MANSC1: variants seen among roughly 807,000 people sequenced by gnomAD.
MANSC1 encodes MANSC domain-containing protein 1.
Under a neutral mutation model 14.1 loss-of-function variants are expected in MANSC1, and 13 were observed. The observed-to-expected ratio is 0.92, with a 90% CI of 0.60 to 1.46. The LOEUF (loss-of-function observed/expected upper bound fraction) is 1.46, where lower values mean the gene tolerates loss of function less well. MANSC1 is among the 40% of genes most tolerant of loss of function. MANSC1 has a pLI of 0.00. For synonymous variants in MANSC1, 227 were observed against 200.7 expected (o/e 1.13, Z -1.11); for missense variants, 486 against 511.4 (o/e 0.95, Z 0.48).
In MANSC1 at chr12:12,327,751, G is replaced by C. The variant is rs1862725583; in HGVS notation, c.*2276C>G. 6.6e-6 allele frequency: 1 copy of C among 152,124 alleles called. No individual in the cohort carries two copies. The highest frequency in any genetic ancestry group is 1.5e-5 in the Non-Finnish European group (1 of 68,022). The allele number at this position is 152,124 out of a possible 1,614,324, so 9.4% of individuals were successfully genotyped here. A position where few individuals can be genotyped will look rare whatever the true frequency, so the allele number is the denominator to read the frequency against. ...TACTTAAAGCTTATGTAAACCCCTTGGAGATTTGTGTCAAGCTGTTAAGTT... is the reference window on the plus strand; with the variant it reads ...TACTTAAAGCTTATGTAAACCCCTTCGAGATTTGTGTCAAGCTGTTAAGTT... On this transcript the variant is annotated 3_prime_UTR_variant, in exon 4 of 4. Transcript: ENST00000535902.
In MANSC1 at chr12:12,330,402, A is replaced by T. The variant is rs758903132; in HGVS notation, c.921T>A (p.Phe307Leu). 1.2e-6 allele frequency: 2 copies of T among 1,614,194 alleles called. No homozygotes were observed. The highest frequency in any genetic ancestry group is 1.7e-6 in the Non-Finnish European group (2 of 1,180,040). ...TGCCTTTCGAGTCCGTAGGTGCCTGAAAGGTGGTAGTCAGAACTGCTGTTG... is the reference window on the plus strand; with the variant it reads ...TGCCTTTCGAGTCCGTAGGTGCCTGTAAGGTGGTAGTCAGAACTGCTGTTG... ...MATTAVLTTT[F>L]QAPTDSKGSL... The change falls in exon 4 of 4, where the codon TTT becomes TTA. Residue 307 changes from phenylalanine to leucine, a missense_variant. Phe to Leu is a conservative substitution (Grantham distance 22). Coordinates refer to ENST00000535902, the MANE Select transcript of MANSC1 (RefSeq NM_018050.4).
intron 2 of MANSC1, 38 bp from the exon 3 acceptor site, chr12:12,338,598 C>A (rs549270578): frequency 8.1e-6 from 13 of 1,602,818 alleles, no homozygotes; most frequent in Non-Finnish European, 1.1e-5. Flanking sequence ...TTTTGAAATG[C>A]GATTTTCTAA....
In MANSC1 at chr12:12,343,261, G is replaced by C; in HGVS notation, c.54C>G (p.Phe18Leu). ...SLTYTLVIIC[F>L]LTLRLSASQN... Reference sequence around the variant, plus strand: ...GACTAGCAGACAGCCTTAGTGTCAGGAAGCAAATTATTACCAAAGTGTAAG... The same window carrying C: ...GACTAGCAGACAGCCTTAGTGTCAGCAAGCAAATTATTACCAAAGTGTAAG... Residue 18 changes from phenylalanine to leucine, a missense_variant, in exon 2 of 4, where the codon TTC becomes TTG. Coordinates refer to ENST00000535902, the MANE Select transcript of MANSC1 (RefSeq NM_018050.4). 1.2e-6 allele frequency: 2 copies of C among 1,614,092 alleles called. No individual in the cohort carries two copies. The highest frequency in any genetic ancestry group is 1.6e-4 in the Middle Eastern group (1 of 6,062).
chr12:12,329,978 A>C lies in MANSC1; in HGVS notation c.*49T>G, dbSNP rs766408135. The C allele has an allele frequency of 1.1e-5, 16 of 1,500,200 alleles. No homozygotes were observed. In the East Asian group the frequency reaches 3.2e-4, roughly 30 times the overall value. 92.9% of individuals were successfully genotyped at this position (1,500,200 alleles called of 1,614,324 possible). A position where few individuals can be genotyped will look rare whatever the true frequency, so the allele number is the denominator to read the frequency against. On this transcript the variant is annotated 3_prime_UTR_variant, in exon 4 of 4. Coordinates refer to ENST00000535902, the MANE Select transcript of MANSC1 (RefSeq NM_018050.4). ...TAGCAAGTCAGCAGAAACTCATTGC[A>C]TTTGGGCTTCTGGTTACTAAATGAA...
intron 2 of MANSC1, among the ~76,000 whole-genome samples, chr12:12,340,487 C>T (rs1040847122): frequency 6.6e-6 from 1 of 152,152 alleles, no homozygotes; most frequent in African/African-American, 2.4e-5. Flanking sequence ...CTTTTTAGCA[C>T]TTAGGTAAAG....
intron 2 of MANSC1, among the ~76,000 whole-genome samples, chr12:12,342,430 C>T (rs548006201): frequency 3.3e-5 from 5 of 152,154 alleles, no homozygotes; most frequent in Non-Finnish European, 5.9e-5. Flanking sequence ...CTTCTCTTTT[C>T]AGTACAAATA....
intron 1 of MANSC1, among the ~76,000 whole-genome samples, chr12:12,349,294 A>C (rs1391257503): frequency 6.6e-6 from 1 of 152,240 alleles, no homozygotes; most frequent in African/African-American, 2.4e-5. Context: ...GGGAATCAAG[A>C]GAAAACCAGG....
intron 3 of MANSC1, among the ~76,000 whole-genome samples, chr12:12,336,937 A>G (rs1353950959): frequency 2.0e-5 from 3 of 152,210 alleles, no homozygotes; most frequent in Non-Finnish European, 4.4e-5. Flanking sequence ...AGAATATTAA[A>G]AATCAAGAGT....
Position 12,330,400 on chromosome 12 carries a change from T to C in MANSC1, c.923A>G (p.Gln308Arg). Residue 308 changes from glutamine (Q) to arginine (R), a missense_variant, in exon 4 of 4, where the codon CAG becomes CGG. Transcript: ENST00000535902. ...ATTAVLTTTF[Q>R]APTDSKGSLE... is the part of the protein sequence containing the mutation. ...GCTGCCTTTCGAGTCCGTAGGTGCC[T>C]GAAAGGTGGTAGTCAGAACTGCTGT... 1 of 1,614,202 alleles carries C rather than the reference T, an allele frequency of 6.2e-7. No homozygotes were observed. The highest frequency in any genetic ancestry group is 8.5e-7 in the Non-Finnish European group (1 of 1,180,028).
At chr12:12,340,548 T>C (rs1862920070) in intron 2 of MANSC1, among the ~76,000 whole-genome samples, 1 of 152,220 alleles carries the variant, frequency 6.6e-6, no homozygotes, top group African/African-American at 2.4e-5. Flanking sequence ...GCCCATCGTG[T>C]TATGTGCATT....
rs1463232971 is a variant in MANSC1, at chr12:12,327,892, G to T, written c.*2135C>A. 1 of 152,442 alleles carries T rather than the reference G, an allele frequency of 6.6e-6. No individual in the cohort carries two copies. Among genetic ancestry groups the T allele is most frequent in the East Asian group, 1.9e-4 (1 of 5,188 alleles). 9.4% of individuals were successfully genotyped at this position (152,442 alleles called of 1,614,324 possible). A position where few individuals can be genotyped will look rare whatever the true frequency, so the allele number is the denominator to read the frequency against. On this transcript the variant is annotated 3_prime_UTR_variant, in exon 4 of 4. Transcript: ENST00000535902. ...GGGTACCAGAAGAGCAGAGGGGAAG[G>T]AGGTGAGGAGGAAGGAAGAGGTGAG... is the stretch of plus-strand genomic sequence containing the variant.
rs756649008 is a variant in MANSC1 at position 12,330,033 on chromosome 12, G to T, written c.1290C>A (p.Asp430Glu). ...GAGACACCGAGTTCCATCCTTAGATGTCCACATAGATCCCATTGATCAAAT... is the reference window on the plus strand; with the variant it reads ...GAGACACCGAGTTCCATCCTTAGATTTCCACATAGATCCCATTGATCAAAT... ...LDYLINGIYV[D>E]I is the part of the protein sequence containing the mutation. The change falls in exon 4 of 4, where the codon GAC (aspartate) becomes GAA (glutamate). Residue 430 changes from aspartate (D) to glutamate (E), a missense_variant. Transcript: ENST00000535902. 1.2e-6 allele frequency: 2 copies of T among 1,612,866 alleles called. No individual in the cohort carries two copies. Among genetic ancestry groups the T allele is most frequent in the Non-Finnish European group, 1.7e-6 (2 of 1,179,194 alleles).
chr12:12,330,294 CAT>C lies in MANSC1; in HGVS notation c.1027_1028del (p.Met343ValfsTer10), dbSNP rs1862765719. The C allele has an allele frequency of 6.2e-7, 1 of 1,614,106 alleles. No homozygotes were observed. The highest frequency in any genetic ancestry group is 1.3e-5 in the African/African-American group (1 of 74,938). ...TCATAGTGGAAGACTCCACATTTGACATAGAAAGTGCAGTAGGGTTATACACA... is the reference window on the plus strand; with the variant it reads ...TCATAGTGGAAGACTCCACATTTGACAGAAAGTGCAGTAGGGTTATACACA... The part of the protein sequence containing the change: ...GNVYNPTALS[M>X]SNVESSTMNK... On this transcript the variant is annotated frameshift_variant, in exon 4 of 4. Coordinates refer to ENST00000535902, the MANE Select transcript of MANSC1 (RefSeq NM_018050.4). LOFTEE classifies it low-confidence loss of function (END_TRUNC).
chr12:12,348,400 A>G (rs1391525981), intron 1 of MANSC1, among the ~76,000 whole-genome samples: 3 of 152,364 alleles, frequency 2.0e-5, no homozygotes, highest in East Asian at 3.9e-4. Flanking sequence ...TCAAGCCACA[A>G]AAAGACATGG....
intron 1 of MANSC1, among the ~76,000 whole-genome samples, chr12:12,343,668 G>C (rs1003617636): frequency 2.0e-5 from 3 of 152,204 alleles, no homozygotes; most frequent in African/African-American, 2.4e-5. Flanking sequence ...GAAGGAACAG[G>C]TATAAACAGT....
chr12:12,326,364 GGTTTCC>G lies in MANSC1; in HGVS notation c.*3657_*3662del, dbSNP rs1862701913. On this transcript the variant is annotated 3_prime_UTR_variant, in exon 4 of 4. Coordinates refer to ENST00000535902, the MANE Select transcript of MANSC1 (RefSeq NM_018050.4). ...AAATCTCTCCTAGAAGTCCCTAGTA[GGTTTCC>G]TTTCAGCTAAAACTTGGGTCACAGG... The G allele has an allele frequency of 1.3e-5, 2 of 152,148 alleles. No homozygotes were observed. Among genetic ancestry groups the G allele is most frequent in the African/African-American group, 4.8e-5 (2 of 41,428 alleles). The allele number at this position is 152,148 out of a possible 1,614,324, so 9.4% of individuals were successfully genotyped here.
At chr12:12,347,169 T>C (rs1863019965) in intron 1 of MANSC1, among the ~76,000 whole-genome samples, 1 of 152,180 alleles carries the variant, frequency 6.6e-6, no homozygotes, top group South Asian at 2.1e-4. Context: ...TATAACGACA[T>C]AATTATACAA....
chr12:12,330,195 C>T lies in MANSC1; in HGVS notation c.1128G>A (p.Gln376=). Residue 376 remains glutamine (Q), a synonymous_variant, in exon 4 of 4, where the codon CAG becomes CAA. Transcript: ENST00000535902. ...GCCATTTTTCAAATGGAAGGCCGTA[C>T]TGATTTTCTGGAACACTGCCCTGGG... ...SSSQGSVPEN[Q]YGLPFEKWLL... The T allele has an allele frequency of 6.2e-7, 1 of 1,614,198 alleles. No individual in the cohort carries two copies. The highest frequency in any genetic ancestry group is 1.1e-5 in the South Asian group (1 of 91,082).
chr12:12,334,764 A>G (rs7969816), intron 3 of MANSC1, among the ~76,000 whole-genome samples: 15,334 of 152,302 alleles, frequency 0.1, 1,022 homozygotes, highest in East Asian at 0.21. Flanking sequence ...ATTAGAAAAC[A>G]AATTCAGCTG....
Sources: allele counts gnomAD v4.1 joint callset (sites outside exome capture counted in the v4.1 genomes callset), GRCh38; gene constraint gnomAD v4.1.1; transcripts MANE v1.5; gene names NCBI Gene and HGNC (gene_info 2026-07-23, HGNC 2026-07-21).